SUMF1: variants seen among roughly 807,000 people sequenced by gnomAD.
The protein encoded by SUMF1 is formylglycine-generating enzyme.
In SUMF1, 48 loss-of-function variants were observed where a neutral mutation model predicts 47.6. The ratio of observed to expected loss-of-function variants is 1.01; its 90% CI spans 0.80 to 1.28. The LOEUF (loss-of-function observed/expected upper bound fraction) is 1.28. Ranked by LOEUF, SUMF1 falls within the 50% of genes most tolerant of loss-of-function variation. SUMF1 has a pLI of 0.00. For synonymous variants in SUMF1, 230 were observed against 192.1 expected, an observed-to-expected ratio of 1.20 and a Z score of -1.63; for missense variants, 571 against 485.4, an observed-to-expected ratio of 1.18 and a Z score of -1.66.
chr3:4,190,171 T>C (rs2125141777), intron 8 of SUMF1, among the ~76,000 whole-genome samples: 1 of 150,868 alleles, frequency 6.6e-6, no homozygotes, highest in Admixed American at 6.6e-5. Flanking sequence ...TTAAATGAAC[T>C]AAGAAGACTT....
At chr3:4,117,457 G>A (rs1423543888) in intron 8 of SUMF1, among the ~76,000 whole-genome samples, 1 of 152,010 alleles carries the variant, frequency 6.6e-6, no homozygotes, top group African/African-American at 2.4e-5. Context: ...GGACTTAAGG[G>A]CAGCTTCTTC....
At chr3:4,138,085 T>G (rs1333569987) in intron 8 of SUMF1, among the ~76,000 whole-genome samples, 1 of 151,930 alleles carries the variant, frequency 6.6e-6, no homozygotes, top group Non-Finnish European at 1.5e-5. Context: ...AATAAAATAC[T>G]TAGGAATAAA....
chr3:4,319,067 A>T (rs1698762147), intron 8 of SUMF1, among the ~76,000 whole-genome samples: 1 of 152,260 alleles, frequency 6.6e-6, no homozygotes, highest in Non-Finnish European at 1.5e-5. Flanking sequence ...GTTATCCCTT[A>T]GCACCCACTA....
At chr3:4,187,244 C>CTGCAGT (rs1695219108) in intron 8 of SUMF1, among the ~76,000 whole-genome samples, 1 of 152,150 alleles carries the variant, frequency 6.6e-6, no homozygotes, top group Non-Finnish European at 1.5e-5. Flanking sequence ...TGTCAGGTAC[C>CTGCAGT]TGCAGTCCCA....
At chr3:4,376,435 G>A (rs773720159) in intron 7 of SUMF1, 46 bp from the exon 8 acceptor site, 2 of 1,596,452 alleles carry the variant, frequency 1.3e-6, no homozygotes, top group Admixed American at 3.3e-5. Flanking sequence ...AGGCAAAGCT[G>A]CCCCTTACAC....
intron 7 of SUMF1, among the ~76,000 whole-genome samples, chr3:4,377,049 C>T (rs1700351072): frequency 6.6e-6 from 1 of 152,162 alleles, no homozygotes; most frequent in South Asian, 2.1e-4. Flanking sequence ...GACCCTCCTA[C>T]CTCAGCCTCC....
At chr3:4,339,764 A>T (rs1328465207) in intron 8 of SUMF1, among the ~76,000 whole-genome samples, 2 of 152,072 alleles carry the variant, frequency 1.3e-5, no homozygotes, top group African/African-American at 2.4e-5. Context: ...ACCCATCCAA[A>T]TCACCCAGAG....
At chr3:4,175,644 G>T (rs946076428) in intron 8 of SUMF1, among the ~76,000 whole-genome samples, 5 of 152,106 alleles carry the variant, frequency 3.3e-5, no homozygotes, top group Non-Finnish European at 7.4e-5. Context: ...CCAAAGAATC[G>T]CAGCTCCTTG....
At chr3:4,157,398 AT>A (rs1694476397) in intron 8 of SUMF1, among the ~76,000 whole-genome samples, 1 of 151,630 alleles carries the variant, frequency 6.6e-6, no homozygotes, top group Non-Finnish European at 1.5e-5. Context: ...TAAGTTTATG[AT>A]GGAATATTTA....
intron 8 of SUMF1, among the ~76,000 whole-genome samples, chr3:4,187,190 C>G: frequency 6.6e-6 from 1 of 151,800 alleles, no homozygotes; most frequent in Non-Finnish European, 1.5e-5. Context: ...GGCAACAAAG[C>G]AAGACCCCAT....
chr3:4,247,421 T>C (rs895336303), intron 8 of SUMF1, among the ~76,000 whole-genome samples: 16 of 152,190 alleles, frequency 1.1e-4, no homozygotes, highest in African/African-American at 3.1e-4. Flanking sequence ...GCTATTAAAT[T>C]CAATATTAAG....
In SUMF1 at chr3:4,250,390, G is replaced by A. The variant is rs531540785; in HGVS notation, c.1014+125940C>T. 3.4e-4 allele frequency among the ~76,000 whole-genome samples: 51 copies of A among 152,168 alleles called. No homozygotes were observed. In the South Asian group the frequency reaches 0.011, roughly 32 times the overall value. ...AATCTAGCAGACGTTGGCTCATGAG[G>A]TTTGAGAAAAGCCATTTCCTGAACA... On this transcript the variant is annotated intron_variant and NMD_transcript_variant, in intron 8 of 12. Coordinates refer to the SUMF1 transcript ENST00000448413.
Position 4,127,025 on chromosome 3 carries a change from G to T in SUMF1, c.1015-58280C>A, listed in dbSNP as rs149793199. On this transcript the variant is annotated intron_variant and NMD_transcript_variant, in intron 8 of 12. Coordinates refer to the SUMF1 transcript ENST00000448413. ...CCAAAAAGTAAAGATTGCTTCCAAG[G>T]ATTCCAGAGGACAAAGGAGCCCATT... Among the ~76,000 whole-genome samples the T allele has an allele frequency of 2.0e-5, 3 of 152,236 alleles. No homozygotes were observed. The East Asian group carries it at 5.8e-4, about 29-fold the overall frequency.
chr3:4,339,144 C>A (rs768330004), intron 8 of SUMF1, among the ~76,000 whole-genome samples: 1 of 152,168 alleles, frequency 6.6e-6, no homozygotes, highest in Admixed American at 6.6e-5. Context: ...CTCTCCTGTT[C>A]CTAATGGGCC....
chr3:4,259,593 C>G (rs1697041398), intron 8 of SUMF1, among the ~76,000 whole-genome samples: 1 of 152,066 alleles, frequency 6.6e-6, no homozygotes, highest in African/African-American at 2.4e-5. Flanking sequence ...CAATACATCT[C>G]AGTACCTTGC....
chr3:4,396,244 C>T (rs1018108949), intron 7 of SUMF1, among the ~76,000 whole-genome samples: 1 of 152,228 alleles, frequency 6.6e-6, no homozygotes, highest in African/African-American at 2.4e-5. Context: ...CTGCCATGTG[C>T]CCCTTCTGAA....
In SUMF1 at chr3:4,186,343, G is replaced by A. The variant is rs187200393; in HGVS notation, c.1015-117598C>T. Among the ~76,000 whole-genome samples the A allele has an allele frequency of 6.8e-4, 103 of 152,192 alleles. 1 individual carries two copies. Among genetic ancestry groups the A allele is most frequent in the Admixed American group, 4.8e-3 (73 of 15,282 alleles). ...TTTCCATTAAGACTCCACCCATGTC[G>A]GTTGCTATGGTAATGGGGGGAGGTG... On this transcript the variant is annotated intron_variant and NMD_transcript_variant, in intron 8 of 12. Coordinates refer to the SUMF1 transcript ENST00000448413.
At chr3:4,176,680 AC>A (rs1694972452) in intron 8 of SUMF1, among the ~76,000 whole-genome samples, 1 of 152,202 alleles carries the variant, frequency 6.6e-6, no homozygotes, top group Non-Finnish European at 1.5e-5. Context: ...TCAAATTCAC[AC>A]ATAACAACAT....
At chr3:4,239,072 A>T (rs1034554034) in intron 8 of SUMF1, among the ~76,000 whole-genome samples, 1 of 152,104 alleles carries the variant, frequency 6.6e-6, no homozygotes, top group East Asian at 1.9e-4. Flanking sequence ...TTTGTCAAAG[A>T]TCAGATGGTT....
Sources: gnomAD v4.1 joint callset for allele counts (sites outside exome capture counted in the v4.1 genomes callset) on GRCh38, gnomAD v4.1.1 for gene constraint, MANE v1.5 for transcripts, NCBI Gene and HGNC (gene_info 2026-07-23, HGNC 2026-07-21) for gene names.